ASPH: variants seen among roughly 807,000 people sequenced by gnomAD.
ASPH encodes the protein aspartate beta-hydroxylase.
A neutral mutation model predicts 118.4 loss-of-function variants in ASPH; 100 were observed. The observed-to-expected ratio is 0.84, with a 90% CI of 0.72 to 1.00. The LOEUF (loss-of-function observed/expected upper bound fraction) is 1.00. Among genes scored for constraint, ASPH ranks in the 50% least tolerant of loss-of-function variants. The pLI, the probability that ASPH is intolerant of heterozygous loss-of-function variation, is 0.00. For synonymous variants in ASPH, 315 were observed against 325.6 expected (o/e 0.97, Z 0.35); for missense variants, 920 against 919.5 (o/e 1.00, Z -0.01).
intron 14 of ASPH, among the ~76,000 whole-genome samples, chr8:61,603,607 T>G (rs893713856): frequency 1.3e-5 from 2 of 152,224 alleles, no homozygotes; most frequent in African/African-American, 4.8e-5. Context: ...CAGAACACAA[T>G]GTGTGACCAT....
intron 3 of ASPH, chr8:61,665,044 T>C (rs975128249): frequency 7.7e-6 from 10 of 1,302,398 alleles, no homozygotes; most frequent in South Asian, 2.7e-5. Context: ...CATCATATTC[T>C]ATGACATTTT....
intron 14 of ASPH, among the ~76,000 whole-genome samples, chr8:61,612,671 C>A (rs1847820877): frequency 6.6e-6 from 1 of 152,068 alleles, no homozygotes. Flanking sequence ...CATGCCCAGA[C>A]TAAAAATAAA....
At chr8:61,657,236 A>T (rs1302270675) in intron 3 of ASPH, 1 of 152,192 alleles carries the variant, frequency 6.6e-6, no homozygotes, top group Non-Finnish European at 1.5e-5. Flanking sequence ...TATGTAAGTT[A>T]CACGTGTGTT....
intron 14 of ASPH, among the ~76,000 whole-genome samples, chr8:61,601,727 C>T (rs527404508): frequency 6.6e-6 from 1 of 150,986 alleles, no homozygotes; most frequent in Non-Finnish European, 1.5e-5. Flanking sequence ...ATTGATACTC[C>T]ACCAGACCGA....
intron 24 of ASPH, among the ~76,000 whole-genome samples, chr8:61,507,896 C>T (rs1807256340): frequency 6.6e-6 from 1 of 152,188 alleles, no homozygotes. Flanking sequence ...ACTGTTACAG[C>T]CTTGTCTAAG....
chr8:61,646,389 A>T (rs1808002550), intron 6 of ASPH, among the ~76,000 whole-genome samples: 1 of 152,204 alleles, frequency 6.6e-6, no homozygotes, highest in South Asian at 2.1e-4. Flanking sequence ...GTAATTACAG[A>T]GTTCATGTGT....
intron 3 of ASPH, among the ~76,000 whole-genome samples, chr8:61,672,135 C>A (rs1173132738): frequency 6.6e-6 from 1 of 152,190 alleles, no homozygotes; most frequent in East Asian, 1.9e-4. Context: ...GTTAGCGAGA[C>A]AGACTGTTCC....
chr8:61,591,719 A>G (rs1841191800), intron 14 of ASPH, among the ~76,000 whole-genome samples: 1 of 152,172 alleles, frequency 6.6e-6, no homozygotes, highest in Non-Finnish European at 1.5e-5. Flanking sequence ...GACTCACCCA[A>G]GCTGCACAAA....
chr8:61,622,319 A>G (rs562319731), intron 13 of ASPH, among the ~76,000 whole-genome samples: 3 of 152,346 alleles, frequency 2.0e-5, no homozygotes, highest in African/African-American at 7.2e-5. Flanking sequence ...GTCTGGTGAC[A>G]GGGCGAGACT....
chr8:61,593,611 G>A (rs1210984328), intron 14 of ASPH, among the ~76,000 whole-genome samples: 1 of 152,168 alleles, frequency 6.6e-6, no homozygotes, highest in African/African-American at 2.4e-5. Context: ...AATGGAGACA[G>A]CAAGTATTCC....
At chr8:61,668,117 G>C (rs1820616949) in intron 3 of ASPH, 1 of 1,000,890 alleles carries the variant, frequency 1.0e-6, no homozygotes, top group African/African-American at 1.7e-5. Context: ...ACCCAAGCAA[G>C]ACCCAAAAGC....
At chr8:61,510,714 G>A (rs564275117) in intron 24 of ASPH, among the ~76,000 whole-genome samples, 3 of 152,198 alleles carry the variant, frequency 2.0e-5, no homozygotes, top group African/African-American at 7.2e-5. Flanking sequence ...GTATGGATGT[G>A]TTTAACTCAC....
At chr8:61,554,316 C>T (rs1227003680) in intron 19 of ASPH, among the ~76,000 whole-genome samples, 1 of 152,188 alleles carries the variant, frequency 6.6e-6, no homozygotes, top group Non-Finnish European at 1.5e-5. Context: ...TATAAAAATG[C>T]TCAGATTCTC....
intron 15 of ASPH, chr8:61,582,966 A>T (rs1838056832): frequency 6.6e-6 from 1 of 152,226 alleles, no homozygotes; most frequent in African/African-American, 2.4e-5. Flanking sequence ...TGATTAGATG[A>T]TATGACCAAG....
rs1838912912 is a variant in ASPH, at chr8:61,714,500, A to G, written c.-129T>C. Reference sequence around the variant, plus strand: ...GTTCGGGCCGCTGCTCCTGCAGCAGACCCTGTGCCTCAGCACCGCCTGCAG... The same window carrying G: ...GTTCGGGCCGCTGCTCCTGCAGCAGGCCCTGTGCCTCAGCACCGCCTGCAG... On this transcript the variant is annotated 5_prime_UTR_variant, in exon 1 of 25. Transcript: ENST00000379454. 9 of 1,293,394 alleles carry G rather than the reference A, an allele frequency of 7.0e-6. No homozygotes were observed. The South Asian group carries it at 1.6e-4, about 24-fold the overall frequency. The allele number at this position is 1,293,394 out of a possible 1,614,324, so 80.1% of individuals were successfully genotyped here.
intron 21 of ASPH, among the ~76,000 whole-genome samples, chr8:61,545,622 AAATG>A (rs1442913126): frequency 1.8e-4 from 27 of 152,316 alleles, no homozygotes; most frequent in African/African-American, 5.5e-4. Flanking sequence ...ATTTCTTAGA[AAATG>A]AATGGCAAGA....
At chr8:61,608,672 C>G (rs1053012102) in intron 14 of ASPH, among the ~76,000 whole-genome samples, 1 of 152,182 alleles carries the variant, frequency 6.6e-6, no homozygotes, top group African/African-American at 2.4e-5. Flanking sequence ...GGGCCTGATA[C>G]ACAGACCAGA....
chr8:61,607,758 G>A (rs1846045191), intron 14 of ASPH, among the ~76,000 whole-genome samples: 1 of 152,108 alleles, frequency 6.6e-6, no homozygotes, highest in Admixed American at 6.6e-5. Context: ...CAAACGAAGT[G>A]GAATGCATCT....
chr8:61,712,598 T>G (rs1334268102), intron 1 of ASPH, among the ~76,000 whole-genome samples: 1 of 152,206 alleles, frequency 6.6e-6, no homozygotes, highest in Non-Finnish European at 1.5e-5. Flanking sequence ...CTGTAGATCC[T>G]CAAATATGGG....
Sources: allele counts gnomAD v4.1 joint callset (sites outside exome capture counted in the v4.1 genomes callset), GRCh38; gene constraint gnomAD v4.1.1; transcripts MANE v1.5; gene names NCBI Gene and HGNC (gene_info 2026-07-23, HGNC 2026-07-21).